The following HSPA12A variants were observed in gnomAD, a reference collection of about 807,000 sequenced individuals.
HSPA12A encodes heat shock protein family A (Hsp70) member 12A, also known as heat shock 70 kDa protein 12A.
HSPA12A carries 28 observed loss-of-function variants against 69.2 expected under a neutral mutation model. That is an observed-to-expected ratio of 0.40 (90% CI 0.30 to 0.55). HSPA12A has a LOEUF of 0.55. Among genes scored for constraint, HSPA12A ranks in the 20% least tolerant of loss-of-function variants. The pLI is 0.38. For synonymous variants in HSPA12A, 345 were observed against 370.5 expected, an observed-to-expected ratio of 0.93 and a Z score of 0.79; for missense variants, 686 against 900.7, an observed-to-expected ratio of 0.76 and a Z score of 3.05.
At position 116,671,831 on chromosome 10, in the gene HSPA12A, T is replaced by C. The variant is rs539150685; in HGVS notation, c.*2950A>G. 6.5e-6 allele frequency: 1 copy of C among 152,690 alleles called. No homozygotes were observed. The highest frequency in any genetic ancestry group is 1.5e-5 in the Non-Finnish European group (1 of 68,024). 9.5% of individuals were successfully genotyped at this position (152,690 alleles called of 1,614,324 possible). On this transcript the variant is annotated 3_prime_UTR_variant, in exon 12 of 12. Transcript: ENST00000369209. Reference sequence around the variant, plus strand: ...AGTAATGGGTCAAGACAACAGGCCTTGTAGGTATTTTCTAAGGTTAGAAAA... The same window carrying C: ...AGTAATGGGTCAAGACAACAGGCCTCGTAGGTATTTTCTAAGGTTAGAAAA...
chr10:116,769,212 G>A (rs1844144625), intron 2 of HSPA12A, among the ~76,000 whole-genome samples: 1 of 152,156 alleles, frequency 6.6e-6, no homozygotes, highest in South Asian at 2.1e-4. Flanking sequence ...AGGTCACTTG[G>A]ACTCTATGCT....
At chr10:116,717,262 C>T (rs568719714) in intron 1 of HSPA12A, among the ~76,000 whole-genome samples, 3 of 152,302 alleles carry the variant, frequency 2.0e-5, no homozygotes, top group East Asian at 3.9e-4. Context: ...CACACCTGCA[C>T]GTTCCCAGTG....
intron 2 of HSPA12A, among the ~76,000 whole-genome samples, chr10:116,753,129 G>A (rs561056929): frequency 7.7e-4 from 118 of 152,344 alleles, no homozygotes; most frequent in African/African-American, 2.8e-3. Context: ...CAGCGGAGCA[G>A]GGACAAAGAT....
In HSPA12A at chr10:116,740,305, C is replaced by T. The variant is rs560699461; in HGVS notation, c.40+2125G>A. ...GCCTTTAAAACAATAAAATAATGCACGCTCTTTTCCCAGCAATGAGGAAAC... is the reference window on the plus strand; with the variant it reads ...GCCTTTAAAACAATAAAATAATGCATGCTCTTTTCCCAGCAATGAGGAAAC... On this transcript the variant is annotated intron_variant, in intron 1 of 11. Transcript: ENST00000369209. 4.6e-5 allele frequency among the ~76,000 whole-genome samples: 7 copies of T among 152,294 alleles called. No individual in the cohort carries two copies. In the East Asian group the frequency reaches 9.6e-4, roughly 21 times the overall value.
At chr10:116,704,516 C>T (rs1324181457) in intron 3 of HSPA12A, among the ~76,000 whole-genome samples, 2 of 151,770 alleles carry the variant, frequency 1.3e-5, no homozygotes, top group South Asian at 2.1e-4. Flanking sequence ...TGCTAAATGA[C>T]GAGTTAATGG....
chr10:116,818,045 G>A (rs563686797), intron 2 of HSPA12A, among the ~76,000 whole-genome samples: 76 of 152,252 alleles, frequency 5.0e-4, no homozygotes, highest in African/African-American at 1.5e-3. Context: ...TTCTCACCTG[G>A]GCAACTGCAT....
chr10:116,730,822 G>C (rs905153548), intron 1 of HSPA12A, among the ~76,000 whole-genome samples: 2 of 152,280 alleles, frequency 1.3e-5, no homozygotes, highest in South Asian at 4.1e-4. Flanking sequence ...GACAGACTGA[G>C]GCTGTGGGAT....
chr10:116,687,611 G>C (rs2132927809), intron 6 of HSPA12A, among the ~76,000 whole-genome samples: 1 of 152,304 alleles, frequency 6.6e-6, no homozygotes, highest in Admixed American at 6.5e-5. Context: ...CTCTGGGCAG[G>C]AGGACTCAAT....
chr10:116,725,755 T>C, intron 1 of HSPA12A, among the ~76,000 whole-genome samples: 1 of 152,136 alleles, frequency 6.6e-6, no homozygotes, highest in Middle Eastern at 3.2e-3. Context: ...ACTGTATTTT[T>C]GGCTTCTGTG....
intron 1 of HSPA12A, among the ~76,000 whole-genome samples, chr10:116,740,434 A>G (rs1554886903): frequency 2.6e-5 from 4 of 152,254 alleles, no homozygotes; most frequent in African/African-American, 7.2e-5. Flanking sequence ...CCAGAGGCAC[A>G]GTGAGCTGCC....
intron 2 of HSPA12A, among the ~76,000 whole-genome samples, chr10:116,819,052 A>G (rs75185250): frequency 0.011 from 1,628 of 152,114 alleles, 22 homozygotes; most frequent in African/African-American, 0.034. Flanking sequence ...ATTCTCCCTG[A>G]GACAGATGCT....
At chr10:116,729,229 C>T (rs1425020608) in intron 1 of HSPA12A, among the ~76,000 whole-genome samples, 2 of 152,142 alleles carry the variant, frequency 1.3e-5, no homozygotes, top group Admixed American at 1.3e-4. Flanking sequence ...AGGAGCCCAC[C>T]CCCAACCCCT....
intron 2 of HSPA12A, among the ~76,000 whole-genome samples, chr10:116,756,556 G>T (rs957992010): frequency 3.3e-5 from 5 of 152,200 alleles, no homozygotes; most frequent in Admixed American, 2.0e-4. Flanking sequence ...TCTGGGCACC[G>T]GCCCATGTGG....
intron 6 of HSPA12A, among the ~76,000 whole-genome samples, chr10:116,690,317 G>A (rs1203839074): frequency 6.6e-6 from 1 of 152,168 alleles, no homozygotes; most frequent in African/African-American, 2.4e-5. Context: ...CCCTGCCTTG[G>A]TTGGGTATAG....
intron 1 of HSPA12A, among the ~76,000 whole-genome samples, chr10:116,739,274 C>A (rs563522118): frequency 6.6e-6 from 1 of 152,182 alleles, no homozygotes; most frequent in Non-Finnish European, 1.5e-5. Flanking sequence ...ATGGGGATCA[C>A]AGGGCGTCCT....
chr10:116,709,706 T>C (rs1850368785), intron 1 of HSPA12A, among the ~76,000 whole-genome samples: 1 of 152,028 alleles, frequency 6.6e-6, no homozygotes, highest in East Asian at 1.9e-4. Flanking sequence ...AAGGGAGAAA[T>C]GGAGAGTTCT....
chr10:116,757,690 TG>T (rs1282483608), intron 2 of HSPA12A, among the ~76,000 whole-genome samples: 1 of 152,214 alleles, frequency 6.6e-6, no homozygotes, highest in Non-Finnish European at 1.5e-5. Context: ...CTTGGTACCT[TG>T]GTTTGGTCAC....
chr10:116,808,022 T>C (rs1347976330), intron 2 of HSPA12A, among the ~76,000 whole-genome samples: 1 of 152,182 alleles, frequency 6.6e-6, no homozygotes, highest in African/African-American at 2.4e-5. Flanking sequence ...CCTCCTACAA[T>C]GTCTCCAGGG....
Position 116,679,735 on chromosome 10 carries a change from C to G in HSPA12A, c.1054G>C (p.Asp352His). The G allele has an allele frequency of 6.2e-7, 1 of 1,614,122 alleles. No individual in the cohort carries two copies. Among genetic ancestry groups the G allele is most frequent in the Non-Finnish European group, 8.5e-7 (1 of 1,179,998 alleles). Residue 352 changes from aspartate to histidine, a missense_variant, in exon 10 of 12, where the codon GAT becomes CAT. Transcript: ENST00000369209. ...TGGPYGSLGV[D>H]YEFEKLLYKI... ...TACAGAAGTTTTTCGAACTCATAAT[C>G]TACTCCTAAAGATCCATAGGGTCCG...
Sources: allele counts gnomAD v4.1 joint callset (sites outside exome capture counted in the v4.1 genomes callset), GRCh38; gene constraint gnomAD v4.1.1; transcripts MANE v1.5; gene names NCBI Gene and HGNC (gene_info 2026-07-23, HGNC 2026-07-21).